Variants in DLG2 observed in about 807,000 individuals in gnomAD.
The protein encoded by DLG2 is discs large MAGUK scaffold protein 2, also known as disks large homolog 2.
In DLG2, 45 loss-of-function variants were observed where a neutral mutation model predicts 132.5. The ratio of observed to expected loss-of-function variants is 0.34; its 90% CI spans 0.27 to 0.44. The LOEUF is 0.44. Among genes scored for constraint, DLG2 ranks in the 20% least tolerant of loss-of-function variants. DLG2 has a pLI of 1.00. For missense variants in DLG2, 1,045 were observed against 1,196.9 expected (o/e 0.87, Z 1.87); for synonymous variants, 424 against 419.6 (o/e 1.01, Z -0.13).
At position 84,640,956 on chromosome 11, in the gene DLG2, A is replaced by C. The variant is rs530192641; in HGVS notation, c.358-106225T>G. Among the ~76,000 whole-genome samples the C allele has an allele frequency of 4.8e-3, 708 of 146,962 alleles. 7 individuals are homozygous for C. Among genetic ancestry groups the C allele is most frequent in the African/African-American group, 0.014 (529 of 39,012 alleles). ...CTCTGTCTCAAAACAAACAAACAAA[A>C]AAAAAAAACAAAAAAAAAACAACTA... On this transcript the variant is annotated intron_variant, in intron 6 of 27. Transcript: ENST00000376104.
intron 18 of DLG2, among the ~76,000 whole-genome samples, chr11:83,722,007 GTTATA>G (rs1836457063): frequency 6.6e-6 from 1 of 152,116 alleles, no homozygotes; most frequent in Admixed American, 6.5e-5. Flanking sequence ...TGTATCACAA[GTTATA>G]TGACTGACAA....
intron 19 of DLG2, among the ~76,000 whole-genome samples, chr11:83,582,505 T>G (rs1031511642): frequency 2.6e-5 from 4 of 152,214 alleles, no homozygotes; most frequent in Non-Finnish European, 5.9e-5. Context: ...TAAGACATTC[T>G]CAGTATCCTC....
At chr11:83,801,785 A>G (rs926862855) in intron 17 of DLG2, among the ~76,000 whole-genome samples, 4 of 152,148 alleles carry the variant, frequency 2.6e-5, no homozygotes, top group Admixed American at 2.0e-4. Flanking sequence ...AAAGCTTCCC[A>G]TAAGTAGAGA....
chr11:84,559,796 G>T (rs149852571), intron 6 of DLG2, among the ~76,000 whole-genome samples: 2 of 152,094 alleles, frequency 1.3e-5, no homozygotes, highest in Non-Finnish European at 2.9e-5. Context: ...AGATCTAAAA[G>T]GTTTCCTAAG....
chr11:84,063,017 C>A (rs2096616017), intron 10 of DLG2, among the ~76,000 whole-genome samples: 1 of 152,102 alleles, frequency 6.6e-6, no homozygotes, highest in African/African-American at 2.4e-5. Flanking sequence ...GTCACAGTAA[C>A]AAATGCAGGC....
chr11:84,623,573 T>C (rs549410196), intron 6 of DLG2, among the ~76,000 whole-genome samples: 2 of 152,352 alleles, frequency 1.3e-5, no homozygotes, highest in Admixed American at 6.5e-5. Context: ...GTGTTAATTA[T>C]GGATCTTCTT....
rs71036447 is a variant in DLG2, at chr11:84,862,817, C to CGGG, written c.357+248841_357+248843dup. 1.5e-3 allele frequency among the ~76,000 whole-genome samples: 70 copies of CGGG among 46,162 alleles called. 1 individual carries two copies. Among genetic ancestry groups the CGGG allele is most frequent in the Middle Eastern group, 0.017 (1 of 60 alleles). The allele number at this position is 46,162 out of a possible 152,430, so 30.3% of individuals were successfully genotyped here. A position where few individuals can be genotyped will look rare whatever the true frequency, so the allele number is the denominator to read the frequency against. On this transcript the variant is annotated intron_variant, in intron 6 of 27. Transcript: ENST00000376104. ...GGGGACATCACACACCAGGTCCTGT[C>CGGG]GGGGGGGGGGGGTGGGGGACTAGGG...
chr11:84,257,679 ATTTTTTTTT>A (rs1172548999), intron 7 of DLG2, among the ~76,000 whole-genome samples: 1 of 105,916 alleles, frequency 9.4e-6, no homozygotes, highest in African/African-American at 3.7e-5. Context: ...TTATCTCTGG[ATTTTTTTTT>A]TTTTTTTTTT....
At chr11:83,670,683 T>C (rs561167431) in intron 18 of DLG2, among the ~76,000 whole-genome samples, 11 of 152,252 alleles carry the variant, frequency 7.2e-5, no homozygotes, top group East Asian at 1.9e-4. Flanking sequence ...GGGAACATCA[T>C]GAATGTTTTA....
chr11:85,227,910 G>A (rs759719866), intron 4 of DLG2, among the ~76,000 whole-genome samples: 12 of 151,768 alleles, frequency 7.9e-5, no homozygotes, highest in East Asian at 1.9e-4. Context: ...CTCCTGATTC[G>A]GCAACATCAC....
intron 9 of DLG2, among the ~76,000 whole-genome samples, chr11:84,112,288 G>A (rs1315023645): frequency 1.4e-5 from 2 of 147,432 alleles, no homozygotes; most frequent in African/African-American, 2.5e-5. Context: ...ATGAGCCACC[G>A]CATCCGGCCT....
chr11:83,685,783 T>C (rs1191924519), intron 18 of DLG2, among the ~76,000 whole-genome samples: 1 of 152,098 alleles, frequency 6.6e-6, no homozygotes, highest in Non-Finnish European at 1.5e-5. Flanking sequence ...GATTGTTTAA[T>C]AATAGGCTTC....
intron 6 of DLG2, among the ~76,000 whole-genome samples, chr11:84,769,702 A>G (rs892074556): frequency 2.0e-5 from 3 of 152,188 alleles, no homozygotes; most frequent in South Asian, 2.1e-4. Flanking sequence ...GGTCAATGCT[A>G]AAGAAAAAAA....
At chr11:84,506,093 T>TTTTTTTTTTTTTTTTTTG (rs1340448656) in intron 7 of DLG2, among the ~76,000 whole-genome samples, 1 of 143,946 alleles carries the variant, frequency 6.9e-6, no homozygotes, top group African/African-American at 2.8e-5. Flanking sequence ...TTTTTTTTTT[T>TTTTTTTTTTTTTTTTTTG]GAGACGGAGT....
chr11:83,870,509 C>T lies in DLG2; in HGVS notation c.1565+3911G>A, dbSNP rs1048254653. Reference sequence around the variant, plus strand: ...ACCACATTTTATTCATCCAGTCATTCGTTGATAGGCACTTAGGTTGATTAG... The same window carrying T: ...ACCACATTTTATTCATCCAGTCATTTGTTGATAGGCACTTAGGTTGATTAG... On this transcript the variant is annotated intron_variant, in intron 16 of 27. Coordinates refer to ENST00000376104, the MANE Select transcript of DLG2 (RefSeq NM_001142699.3). 2.0e-5 allele frequency among the ~76,000 whole-genome samples: 3 copies of T among 152,058 alleles called. No homozygotes were observed. The South Asian group carries it at 6.2e-4, about 32-fold the overall frequency.
intron 24 of DLG2, among the ~76,000 whole-genome samples, chr11:83,469,911 TATAAA>T (rs1758338316): frequency 1.3e-5 from 2 of 152,148 alleles, no homozygotes; most frequent in African/African-American, 4.8e-5. Context: ...TCTCAACATA[TATAAA>T]ATAAGATAAT....
rs543262221 is a variant in DLG2 at position 84,915,840 on chromosome 11, T to C, written c.357+195821A>G. ...CATTCAGTCCATTATTTTCAAATAT[T>C]TATTAATCATTTGTCATGTGCAAGG... On this transcript the variant is annotated intron_variant, in intron 6 of 27. Coordinates refer to ENST00000376104, the MANE Select transcript of DLG2 (RefSeq NM_001142699.3). 2.0e-5 allele frequency among the ~76,000 whole-genome samples: 3 copies of C among 152,294 alleles called. No homozygotes were observed. The South Asian group carries it at 6.2e-4, about 32-fold the overall frequency.
intron 7 of DLG2, among the ~76,000 whole-genome samples, chr11:84,284,032 A>C (rs2097882000): frequency 6.6e-6 from 1 of 152,148 alleles, no homozygotes; most frequent in Admixed American, 6.5e-5. Context: ...CCTGAGGTCC[A>C]AAACCAGCCT....
At chr11:85,324,956 C>G (rs374141095) in intron 3 of DLG2, among the ~76,000 whole-genome samples, 4 of 147,464 alleles carry the variant, frequency 2.7e-5, no homozygotes, top group Non-Finnish European at 4.5e-5. Context: ...ATTGCCTCAC[C>G]TGGGAAGCGC....
Sources: allele counts gnomAD v4.1 joint callset (sites outside exome capture counted in the v4.1 genomes callset), GRCh38; gene constraint gnomAD v4.1.1; transcripts MANE v1.5; gene names NCBI Gene and HGNC (gene_info 2026-07-23, HGNC 2026-07-21).